The following VWF variants were observed in gnomAD, a reference collection of about 807,000 sequenced individuals.
VWF encodes von Willebrand factor, also known as Factor VIII related antigen.
VWF carries 176 observed loss-of-function variants against 308.6 expected under a neutral mutation model. The ratio of observed to expected loss-of-function variants is 0.57; its 90% CI spans 0.50 to 0.65. The LOEUF (loss-of-function observed/expected upper bound fraction) is 0.65. Ranked by LOEUF, VWF falls within the 30% of genes least tolerant of loss-of-function variation. VWF has a pLI of 0.00. For missense variants in VWF, 3,146 were observed against 3,648.2 expected (o/e 0.86, Z 3.55); for synonymous variants, 1,385 against 1,443.4 (o/e 0.96, Z 0.92).
chr12:6,004,180 C>CA (rs1162542133), intron 34 of VWF, among the ~76,000 whole-genome samples: 1 of 152,016 alleles, frequency 6.6e-6, no homozygotes, highest in Admixed American at 6.5e-5. Context: ...TTATGAATGT[C>CA]AAAACCAACG....
rs1395668597 is a variant in VWF, at chr12:6,019,404, T to C, written c.4014A>G (p.Ser1338=). The change falls in exon 28 of 52, where the codon TCA becomes TCG. Residue 1338 remains serine (S), a synonymous_variant. Transcript: ENST00000261405. The surrounding 1 kb of genome is among the most constrained non-coding windows in gnomAD (Gnocchi z 5.8). The part of the protein sequence containing the change: ...YIGLKDRKRP[S]ELRRIASQVK... ...CCTGGCTGGCAATGCGCCGCAGCTC[T>C]GACGGTCGCTTCCGGTCCTTGAGCC... 1.9e-6 allele frequency: 3 copies of C among 1,613,842 alleles called. No individual in the cohort carries two copies. The African/African-American group carries it at 4.0e-5, about 22-fold the overall frequency.
At chr12:6,073,525 CG>C in intron 8 of VWF, 93 bp downstream of exon 8, 1 of 1,566,216 alleles carries the variant, frequency 6.4e-7, no homozygotes, top group South Asian at 1.1e-5. Flanking sequence ...ATTTCAGCAA[CG>C]GGGAGCAAAC....
Position 5,976,261 on chromosome 12 carries a change from C to A in VWF, c.7288-1G>T. 6.2e-7 allele frequency: 1 copy of A among 1,614,140 alleles called. No homozygotes were observed. Among genetic ancestry groups the A allele is most frequent in the South Asian group, 1.1e-5 (1 of 91,078 alleles). On this transcript the variant is annotated splice_acceptor_variant, in intron 42 of 51. Coordinates refer to ENST00000261405, the MANE Select transcript of VWF (RefSeq NM_000552.5). LOFTEE classifies it high-confidence loss of function. Reference sequence around the variant, plus strand: ...AGATGGTGCTTCGGTGGACACACACCTGTAGACATAAGTTTTCGTGAGTGA... The same window carrying A: ...AGATGGTGCTTCGGTGGACACACACATGTAGACATAAGTTTTCGTGAGTGA...
chr12:6,032,886 A>ACG (rs774452656), intron 20 of VWF, among the ~76,000 whole-genome samples: 57 of 143,474 alleles, frequency 4.0e-4, no homozygotes, highest in African/African-American at 1.3e-3. Context: ...ACACACACAC[A>ACG]CGCATACACA....
chr12:5,971,688 C>T lies in VWF; in HGVS notation c.7459G>A (p.Glu2487Lys), dbSNP rs748315151. Residue 2487 changes from glutamate to lysine, a missense_variant, in exon 44 of 52, where the codon GAA (glutamate) becomes AAA (lysine). Glu to Lys is a moderately conservative substitution (Grantham distance 56). This residue lies in a region of VWF where 989 missense variants were observed against 1,117.4 expected (regional missense o/e 0.89). Coordinates refer to ENST00000261405, the MANE Select transcript of VWF (RefSeq NM_000552.5). ...AGGCACCTTCCACAGCACTCGCCTT[C>T]ATGCAGAACGTAAGTGAAGCCCTGG... is the stretch of plus-strand genomic sequence containing the variant. ...CRSGFTYVLH[E>K]GECCGRCLPS... The T allele has an allele frequency of 3.1e-6, 5 of 1,614,106 alleles. No individual in the cohort carries two copies. Among genetic ancestry groups the T allele is most frequent in the Non-Finnish European group, 4.2e-6 (5 of 1,180,048 alleles).
At chr12:6,008,608 A>G (rs1943957714) in intron 34 of VWF, among the ~76,000 whole-genome samples, 1 of 152,226 alleles carries the variant, frequency 6.6e-6, no homozygotes, top group South Asian at 2.1e-4. Flanking sequence ...CTAATCAGGA[A>G]GACGGCAAAG....
chr12:6,023,618 C>T lies in VWF; in HGVS notation c.3379+13G>A, dbSNP rs2885752. On this transcript the variant is annotated intron_variant, in intron 25 of 51. Coordinates refer to ENST00000261405, the MANE Select transcript of VWF (RefSeq NM_000552.5). ...GGGAGGGCATCTGAGAACATGAGGGCGTCAGTACTCACGGCACAATGTGGC... is the reference window on the plus strand; with the variant it reads ...GGGAGGGCATCTGAGAACATGAGGGTGTCAGTACTCACGGCACAATGTGGC... 6,052 of 1,613,616 alleles carry T rather than the reference C, an allele frequency of 3.8e-3. 165 individuals carry two copies. In the African/African-American group the frequency reaches 0.062, roughly 17 times the overall value.
intron 47 of VWF, among the ~76,000 whole-genome samples, chr12:5,959,469 T>C (rs1943287194): frequency 6.6e-6 from 1 of 152,180 alleles, no homozygotes; most frequent in African/African-American, 2.4e-5. Context: ...AGAACCAATA[T>C]GACCTAGTTG....
At chr12:6,099,276 G>A (rs943985936) in intron 5 of VWF, among the ~76,000 whole-genome samples, 14 of 139,530 alleles carry the variant, frequency 1.0e-4, no homozygotes, top group Middle Eastern at 4.4e-3. Context: ...CCCCGATCGC[G>A]CCACTGCACT....
intron 40 of VWF, among the ~76,000 whole-genome samples, chr12:5,984,248 G>A (rs1032370220): frequency 4.6e-5 from 7 of 152,140 alleles, no homozygotes; most frequent in Non-Finnish European, 8.8e-5. Context: ...TAAAATGAGG[G>A]GCTTGAAGTA....
intron 11 of VWF, 137 bp from the exon 12 acceptor site, chr12:6,064,521 A>G: frequency 7.3e-7 from 1 of 1,363,664 alleles, no homozygotes. Context: ...CCATTCTCCC[A>G]GAATACTCCA....
chr12:6,028,515 T>C (rs1944220251), intron 22 of VWF, among the ~76,000 whole-genome samples: 1 of 152,300 alleles, frequency 6.6e-6, no homozygotes, highest in South Asian at 2.1e-4. Flanking sequence ...GAGAGAAATG[T>C]CGAGTTACTC....
intron 43 of VWF, among the ~76,000 whole-genome samples, chr12:5,973,037 G>A (rs981599547): frequency 4.6e-5 from 7 of 151,994 alleles, no homozygotes; most frequent in African/African-American, 7.3e-5. Context: ...TCAATATTAC[G>A]GATGGCTCCC....
chr12:6,066,675 C>A (rs182649696), intron 10 of VWF, among the ~76,000 whole-genome samples: 7 of 152,390 alleles, frequency 4.6e-5, no homozygotes, highest in Admixed American at 4.6e-4. Flanking sequence ...GTCCTACAGA[C>A]CATCCTATGT....
chr12:6,065,237 C>T lies in VWF; in HGVS notation c.1193G>A (p.Ser398Asn), dbSNP rs1434923750. ...GAAGGTGAAGTATCTGTTGTCAAAG[C>T]TCTTGAAGTGTGATTGACCTGTGAC... ...CLVTGQSHFKSFDNRYFTFSG... is the reference protein window; with the variant it reads ...CLVTGQSHFKNFDNRYFTFSG... The change falls in exon 11 of 52, where the codon AGC (serine) becomes AAC (asparagine). Residue 398 changes from serine to asparagine, a missense_variant. Ser to Asn is a conservative substitution (Grantham distance 46). Transcript: ENST00000261405. The T allele has an allele frequency of 3.7e-6, 6 of 1,614,058 alleles. No homozygotes were observed. Among genetic ancestry groups the T allele is most frequent in the South Asian group, 1.1e-5 (1 of 91,072 alleles).
Position 5,983,267 on chromosome 12 carries a change from AAGAGAGAC to A in VWF, c.6977-21_6977-14del. 1 of 1,613,350 alleles carries A rather than the reference AAGAGAGAC, an allele frequency of 6.2e-7. No homozygotes were observed. The highest frequency in any genetic ancestry group is 8.5e-7 in the Non-Finnish European group (1 of 1,179,652). The stretch of plus-strand genomic sequence containing the variant: ...ACTGGGTCACACACTGAGGGCCAGA[AAGAGAGAC>A]GTCCATGCAGAGTTCAGAAAGGTTA... On this transcript the variant is annotated splice_polypyrimidine_tract_variant and intron_variant, in intron 40 of 51. Transcript: ENST00000261405.
rs376288669 is a variant in VWF, at chr12:6,057,724, C to T, written c.1729+125G>A. ...AAGTGCTGACGGTAAAAACAAAGCCCGACCCCTTTCCTCGCTCCCCGCCCC... is the reference window on the plus strand; with the variant it reads ...AAGTGCTGACGGTAAAAACAAAGCCTGACCCCTTTCCTCGCTCCCCGCCCC... On this transcript the variant is annotated intron_variant, in intron 14 of 51. Coordinates refer to ENST00000261405, the MANE Select transcript of VWF (RefSeq NM_000552.5). 3.0e-5 allele frequency: 35 copies of T among 1,178,090 alleles called. No individual in the cohort carries two copies. In the East Asian group the frequency reaches 6.0e-4, roughly 20 times the overall value. 73.0% of individuals were successfully genotyped at this position (1,178,090 alleles called of 1,614,324 possible). A position where few individuals can be genotyped will look rare whatever the true frequency, so the allele number is the denominator to read the frequency against.
At chr12:6,067,379 C>T (rs1395286023) in intron 10 of VWF, among the ~76,000 whole-genome samples, 1 of 152,234 alleles carries the variant, frequency 6.6e-6, no homozygotes, top group African/African-American at 2.4e-5. Context: ...AAATGGACTT[C>T]TGTCTTCTTT....
chr12:6,011,263 C>T (rs1191884960), intron 34 of VWF, among the ~76,000 whole-genome samples: 1 of 152,202 alleles, frequency 6.6e-6, no homozygotes, highest in Non-Finnish European at 1.5e-5. Flanking sequence ...AAGCGTCTCT[C>T]TCACTGCTAT....
Sources: gnomAD v4.1 joint callset for allele counts (sites outside exome capture counted in the v4.1 genomes callset) on GRCh38, gnomAD v4.1.1 for gene constraint, gnomAD v4.1.1 regional missense constraint, Gnocchi (gnomAD v3.1) non-coding constraint, MANE v1.5 for transcripts, NCBI Gene and HGNC (gene_info 2026-07-23, HGNC 2026-07-21) for gene names.